The following NCAM2 variants were observed in gnomAD, a reference collection of about 807,000 sequenced individuals.
The protein encoded by NCAM2 is neural cell adhesion molecule 2, also known as N-CAM-2.
A neutral mutation model predicts 98.1 loss-of-function variants in NCAM2; 30 were observed. The ratio of observed to expected loss-of-function variants is 0.31; its 90% CI spans 0.23 to 0.41. The LOEUF (loss-of-function observed/expected upper bound fraction) is 0.41. Ranked by LOEUF, NCAM2 falls within the 10% of genes least tolerant of loss-of-function variation. NCAM2 has a pLI of 1.00. For synonymous variants in NCAM2, 368 were observed against 342.4 expected (o/e 1.07, Z -0.83); for missense variants, 867 against 1,005.8 (o/e 0.86, Z 1.87).
At position 21,448,243 on chromosome 21, in the gene NCAM2, A is replaced by C. The variant is rs116909980; in HGVS notation, c.1654+15962A>C. Among the ~76,000 whole-genome samples, 209 of 152,240 alleles carry C rather than the reference A, an allele frequency of 1.4e-3. 4 individuals carry two copies. The East Asian group carries it at 0.04, about 29-fold the overall frequency. ...AAAGGAATGAGAACATGTCCTTTGC[A>C]GGGACATGAATGAAGTTGGAATCCA... On this transcript the variant is annotated intron_variant, in intron 12 of 17. Transcript: ENST00000400546.
chr21:21,435,618 A>C (rs2146048591), intron 12 of NCAM2, among the ~76,000 whole-genome samples: 1 of 152,150 alleles, frequency 6.6e-6, no homozygotes, highest in South Asian at 2.1e-4. Flanking sequence ...CCTCTTCTCA[A>C]ATCTTAGGTA....
intron 1 of NCAM2, among the ~76,000 whole-genome samples, chr21:21,153,157 C>T (rs781100328): frequency 6.7e-6 from 1 of 150,070 alleles, no homozygotes; most frequent in Non-Finnish European, 1.5e-5. Context: ...CATGGCCAGC[C>T]ATGGAAAATT....
intron 1 of NCAM2, among the ~76,000 whole-genome samples, chr21:21,031,537 A>C (rs1045253415): frequency 2.0e-5 from 3 of 151,084 alleles, no homozygotes; most frequent in Admixed American, 2.0e-4. Context: ...TAATATACTA[A>C]TTGGCAATAA....
intron 1 of NCAM2, among the ~76,000 whole-genome samples, chr21:21,026,078 A>C (rs4816840): frequency 0.94 from 143,274 of 152,180 alleles, 67,753 homozygotes; most frequent in Non-Finnish European, 0.99. Flanking sequence ...GAGTGCTGAG[A>C]ACTTGGGAAG....
chr21:21,323,820 T>C (rs1374620597), intron 5 of NCAM2, among the ~76,000 whole-genome samples: 1 of 152,142 alleles, frequency 6.6e-6, no homozygotes, highest in African/African-American at 2.4e-5. Context: ...CTTGAAGAAA[T>C]TAAGTTTAGT....
At chr21:21,454,370 T>G (rs1981803224) in intron 12 of NCAM2, among the ~76,000 whole-genome samples, 1 of 152,102 alleles carries the variant, frequency 6.6e-6, no homozygotes, top group African/African-American at 2.4e-5. Flanking sequence ...TATATTTGAA[T>G]CCCACATTCC....
chr21:21,378,691 T>C (rs920675712), intron 9 of NCAM2, among the ~76,000 whole-genome samples: 1 of 152,082 alleles, frequency 6.6e-6, no homozygotes, highest in African/African-American at 2.4e-5. Context: ...TTATACTACT[T>C]GTTCCTGTTA....
intron 8 of NCAM2, among the ~76,000 whole-genome samples, chr21:21,371,296 G>T (rs1237510807): frequency 6.6e-6 from 1 of 151,648 alleles, no homozygotes; most frequent in African/African-American, 2.4e-5. Context: ...GGAGAGTGTT[G>T]GTTTTTCTGT....
intron 5 of NCAM2, among the ~76,000 whole-genome samples, chr21:21,294,150 C>G (rs766993793): frequency 1.3e-5 from 2 of 151,282 alleles, no homozygotes; most frequent in Non-Finnish European, 3.0e-5. Context: ...TTGCACCAAC[C>G]TAATATTTTC....
chr21:21,409,651 A>G lies in NCAM2; in HGVS notation c.1196-623A>G, dbSNP rs370188453. Reference sequence around the variant, plus strand: ...TCTACACAAGTAGATAGTCATTAACATAGTCAATATGTATTTTTTGTCAGA... The same window carrying G: ...TCTACACAAGTAGATAGTCATTAACGTAGTCAATATGTATTTTTTGTCAGA... On this transcript the variant is annotated intron_variant, in intron 9 of 17. Transcript: ENST00000400546. Among the ~76,000 whole-genome samples the G allele has an allele frequency of 2.6e-5, 4 of 152,204 alleles. No homozygotes were observed. The South Asian group carries it at 6.2e-4, about 24-fold the overall frequency.
At chr21:21,528,840 T>A (rs1215716910) in intron 16 of NCAM2, among the ~76,000 whole-genome samples, 3 of 151,416 alleles carry the variant, frequency 2.0e-5, no homozygotes, top group Non-Finnish European at 3.0e-5. Flanking sequence ...ACAAGAAGAA[T>A]CATAGATGTT....
At chr21:21,149,294 C>T (rs2067376588) in intron 1 of NCAM2, among the ~76,000 whole-genome samples, 1 of 152,150 alleles carries the variant, frequency 6.6e-6, no homozygotes, top group East Asian at 1.9e-4. Context: ...TATAGGTCAA[C>T]TTGGAGATAA....
chr21:21,264,935 ATG>A (rs1333368483), intron 1 of NCAM2, among the ~76,000 whole-genome samples: 9 of 83,678 alleles, frequency 1.1e-4, no homozygotes, highest in South Asian at 8.0e-4. Context: ...ACACATATAT[ATG>A]TGTGTGTATA....
At chr21:21,509,166 A>G in intron 16 of NCAM2, 111 bp downstream of exon 16, 1 of 975,186 alleles carries the variant, frequency 1.0e-6, no homozygotes, top group South Asian at 1.5e-5. Flanking sequence ...GAGTTTGATT[A>G]TGCAACATTG....
chr21:21,460,116 A>T lies in NCAM2; in HGVS notation c.1655-6490A>T, dbSNP rs139400252. 5.0e-3 allele frequency among the ~76,000 whole-genome samples: 759 copies of T among 152,026 alleles called. 5 individuals carry two copies. Among genetic ancestry groups the T allele is most frequent in the African/African-American group, 0.017 (719 of 41,540 alleles). On this transcript the variant is annotated intron_variant, in intron 12 of 17. Transcript: ENST00000400546. ...CTCAATAAAGCTGGGAGAAAAGCAT[A>T]TACAGTAATATCATTTTTCTTATTT...
At chr21:21,409,331 C>T (rs73232070) in intron 9 of NCAM2, among the ~76,000 whole-genome samples, 1,728 of 152,114 alleles carry the variant, frequency 0.011, 10 homozygotes, top group Non-Finnish European at 0.016. Flanking sequence ...ATCTAGAATA[C>T]AGACCTGAAA....
At position 21,466,475 on chromosome 21, in the gene NCAM2, A is replaced by G. The variant is rs73896910; in HGVS notation, c.1655-131A>G. On this transcript the variant is annotated intron_variant, in intron 12 of 17. Transcript: ENST00000400546. ...GACTTATCTATTTTTTAGGTATTTC[A>G]TGGAAAGATTTCAGTGAAATTATTC... The G allele has an allele frequency of 2.2e-4, 141 of 648,828 alleles. No individual in the cohort carries two copies. The Admixed American group carries it at 4.7e-3, about 21-fold the overall frequency. 40.2% of individuals were successfully genotyped at this position (648,828 alleles called of 1,614,324 possible). A position where few individuals can be genotyped will look rare whatever the true frequency, so the allele number is the denominator to read the frequency against.
At chr21:21,457,045 T>C (rs1275932681) in intron 12 of NCAM2, among the ~76,000 whole-genome samples, 1 of 152,192 alleles carries the variant, frequency 6.6e-6, no homozygotes, top group East Asian at 1.9e-4. Flanking sequence ...GGTGCTGCTC[T>C]AACAAATACC....
At chr21:21,205,131 TCTC>T (rs1347147691) in intron 1 of NCAM2, among the ~76,000 whole-genome samples, 2 of 152,180 alleles carry the variant, frequency 1.3e-5, no homozygotes, top group East Asian at 3.9e-4. Context: ...CATTTCTTGT[TCTC>T]CTAATCTACC....
Sources: allele counts gnomAD v4.1 joint callset (sites outside exome capture counted in the v4.1 genomes callset), GRCh38; gene constraint gnomAD v4.1.1; transcripts MANE v1.5; gene names NCBI Gene and HGNC (gene_info 2026-07-23, HGNC 2026-07-21).